The following RIMBP2 variants were observed in gnomAD, a reference collection of about 807,000 sequenced individuals.
The protein encoded by RIMBP2 is RIMS-binding protein 2.
A neutral mutation model predicts 118.6 loss-of-function variants in RIMBP2; 48 were observed. That is an observed-to-expected ratio of 0.40 (90% CI 0.32 to 0.51). RIMBP2 has a LOEUF of 0.51. Among genes scored for constraint, RIMBP2 ranks in the 20% least tolerant of loss-of-function variants. RIMBP2 has a pLI of 0.41. For synonymous variants in RIMBP2, 762 were observed against 742.9 expected (o/e 1.03, Z -0.42); for missense variants, 1,551 against 1,768.3 (o/e 0.88, Z 2.20).
In RIMBP2 at chr12:130,703,025, A is replaced by G. The variant is rs534668744; in HGVS notation, c.-352+13197T>C. 2.1e-4 allele frequency among the ~76,000 whole-genome samples: 32 copies of G among 152,270 alleles called. No homozygotes were observed. Among genetic ancestry groups the G allele is most frequent in the Admixed American group, 7.8e-4 (12 of 15,304 alleles). ...TTCCAGCAATTTATTCATTTCAGAAAAATGCTGCTGCTACTCAGATGCCCG... is the reference window on the plus strand; with the variant it reads ...TTCCAGCAATTTATTCATTTCAGAAGAATGCTGCTGCTACTCAGATGCCCG... On this transcript the variant is annotated intron_variant, in intron 1 of 22. Coordinates refer to ENST00000690449, the MANE Select transcript of RIMBP2 (RefSeq NM_001393629.1). The surrounding 1 kb of genome is among the most constrained non-coding windows in gnomAD (Gnocchi z 5.7).
At position 130,453,985 on chromosome 12, in the gene RIMBP2, C is replaced by T. The variant is rs1232572246; in HGVS notation, c.358+2511G>A. Among the ~76,000 whole-genome samples, 6 of 150,866 alleles carry T rather than the reference C, an allele frequency of 4.0e-5. No homozygotes were observed. In the South Asian group the frequency reaches 6.4e-4, roughly 16 times the overall value. ...AGGAGAATCGCTTGAACCTGGGAGGCGGGGCTTGTACTGAGCCGAGATCAC... is the reference window on the plus strand; with the variant it reads ...AGGAGAATCGCTTGAACCTGGGAGGTGGGGCTTGTACTGAGCCGAGATCAC... On this transcript the variant is annotated intron_variant, in intron 7 of 22. Transcript: ENST00000690449.
At chr12:130,438,543 G>A (rs1252222437) in intron 11 of RIMBP2, 27 bp from the exon 12 acceptor site, 3 of 1,552,854 alleles carry the variant, frequency 1.9e-6, no homozygotes, top group African/African-American at 2.7e-5. Flanking sequence ...GGGAACGGAG[G>A]CGTTCAGGGA....
In RIMBP2 at chr12:130,441,945, C is replaced by T. The variant is rs2078172363; in HGVS notation, c.1407G>A (p.Val469=). The change falls in exon 11 of 23, where the codon GTG becomes GTA. Residue 469 remains valine (V), a synonymous_variant. Transcript: ENST00000690449. The part of the protein sequence containing the change: ...FNLRPNMAYK[V]KVLAKPHQMP... Reference sequence around the variant, plus strand: ...TCTGGTGGGGTTTGGCCAGAACCTTCACCTTATAGGCCATGTTGGGCCTGA... The same window carrying T: ...TCTGGTGGGGTTTGGCCAGAACCTTTACCTTATAGGCCATGTTGGGCCTGA... The T allele has an allele frequency of 1.2e-6, 2 of 1,614,098 alleles. No individual in the cohort carries two copies. Among genetic ancestry groups the T allele is most frequent in the Non-Finnish European group, 1.7e-6 (2 of 1,180,054 alleles).
At chr12:130,678,171 G>A (rs1183264348) in intron 1 of RIMBP2, among the ~76,000 whole-genome samples, 1 of 152,212 alleles carries the variant, frequency 6.6e-6, no homozygotes, top group Non-Finnish European at 1.5e-5. Flanking sequence ...CCTCTGCCTG[G>A]ATTAGAGCCA....
intron 1 of RIMBP2, among the ~76,000 whole-genome samples, chr12:130,638,925 A>G (rs11061046): frequency 6.6e-6 from 1 of 152,310 alleles, no homozygotes; most frequent in East Asian, 1.9e-4. Flanking sequence ...AGTAAACCCT[A>G]ATGTAAACTA....
intron 4 of RIMBP2, among the ~76,000 whole-genome samples, chr12:130,493,112 G>C (rs1336400003): frequency 6.6e-6 from 1 of 151,994 alleles, no homozygotes; most frequent in African/African-American, 2.4e-5. Flanking sequence ...CTCCAGCCTG[G>C]GTGAGAGAGT....
At chr12:130,691,748 C>A (rs973530612) in intron 1 of RIMBP2, among the ~76,000 whole-genome samples, 6 of 152,192 alleles carry the variant, frequency 3.9e-5, no homozygotes, top group African/African-American at 1.4e-4. Flanking sequence ...AGGGAAGGAG[C>A]TCATGCAGAC....
intron 21 of RIMBP2, among the ~76,000 whole-genome samples, chr12:130,405,162 GA>G (rs2075040146): frequency 6.6e-6 from 1 of 152,236 alleles, no homozygotes; most frequent in East Asian, 1.9e-4. Flanking sequence ...ATGCAAACGT[GA>G]AATTCATCCT....
At chr12:130,454,937 G>C (rs961169068) in intron 7 of RIMBP2, among the ~76,000 whole-genome samples, 12 of 152,212 alleles carry the variant, frequency 7.9e-5, no homozygotes, top group Admixed American at 2.0e-4. Context: ...ACACTGGATG[G>C]AAACATCCCC....
Position 130,617,756 on chromosome 12 carries a change from C to T in RIMBP2, c.-217+10566G>A, listed in dbSNP as rs544784749. 2.2e-4 allele frequency among the ~76,000 whole-genome samples: 34 copies of T among 152,268 alleles called. No individual in the cohort carries two copies. The highest frequency in any genetic ancestry group is 6.5e-4 in the African/African-American group (27 of 41,554). On this transcript the variant is annotated intron_variant, in intron 2 of 22. Coordinates refer to ENST00000690449, the MANE Select transcript of RIMBP2 (RefSeq NM_001393629.1). The surrounding 1 kb of genome is among the most constrained non-coding windows in gnomAD (Gnocchi z 4.6). ...CCCAGTTCTGAATTCACAGAATGCACGCAAATTAGATTATTCTGGTAGAAC... is the reference window on the plus strand; with the variant it reads ...CCCAGTTCTGAATTCACAGAATGCATGCAAATTAGATTATTCTGGTAGAAC...
intron 5 of RIMBP2, among the ~76,000 whole-genome samples, chr12:130,476,300 C>A (rs535928524): frequency 5.3e-5 from 8 of 152,304 alleles, no homozygotes; most frequent in African/African-American, 1.9e-4. Context: ...GCTGGGGTTG[C>A]AGAAAGAGAG....
intron 2 of RIMBP2, among the ~76,000 whole-genome samples, chr12:130,624,151 C>T (rs967259086): frequency 1.5e-4 from 23 of 152,192 alleles, no homozygotes; most frequent in African/African-American, 4.6e-4. Flanking sequence ...TAGGAAATAA[C>T]AGGCAAAGGT....
intron 21 of RIMBP2, among the ~76,000 whole-genome samples, chr12:130,403,219 C>T (rs1472212520): frequency 1.3e-5 from 2 of 152,178 alleles, no homozygotes; most frequent in East Asian, 1.9e-4. Flanking sequence ...CATTGTTTAT[C>T]AAATAAGAAA....
chr12:130,706,334 T>C (rs1366933476), intron 1 of RIMBP2, among the ~76,000 whole-genome samples: 1 of 152,260 alleles, frequency 6.6e-6, no homozygotes, highest in Non-Finnish European at 1.5e-5. Context: ...ACGGATGCTA[T>C]TGTTACCTGC....
intron 2 of RIMBP2, among the ~76,000 whole-genome samples, chr12:130,606,832 C>A (rs2060219988): frequency 6.6e-6 from 1 of 152,116 alleles, no homozygotes; most frequent in Non-Finnish European, 1.5e-5. Context: ...CCACAACAAG[C>A]AGTTCCAATT....
intron 21 of RIMBP2, among the ~76,000 whole-genome samples, chr12:130,402,094 C>T (rs544513569): frequency 3.3e-5 from 5 of 152,214 alleles, no homozygotes; most frequent in African/African-American, 4.8e-5. Flanking sequence ...CACGTCAGAA[C>T]GCACATGTAC....
intron 1 of RIMBP2, among the ~76,000 whole-genome samples, chr12:130,702,334 T>A (rs1479781875): frequency 6.6e-6 from 1 of 151,934 alleles, no homozygotes; most frequent in Non-Finnish European, 1.5e-5. Flanking sequence ...CCGATCAATA[T>A]GGAGAAACCC....
At chr12:130,496,022 C>A (rs528505713) in intron 4 of RIMBP2, among the ~76,000 whole-genome samples, 50 of 152,336 alleles carry the variant, frequency 3.3e-4, no homozygotes, top group African/African-American at 1.2e-3. Context: ...GCCGCTGACT[C>A]ATTGGACCTA....
intron 14 of RIMBP2, chr12:130,429,791 A>T (rs1265841793): frequency 6.6e-6 from 1 of 152,128 alleles, no homozygotes; most frequent in Non-Finnish European, 1.5e-5. Flanking sequence ...GGAGGACGGG[A>T]AGGGCCTCGG....
Sources: allele counts gnomAD v4.1 joint callset (sites outside exome capture counted in the v4.1 genomes callset), GRCh38; gene constraint gnomAD v4.1.1; non-coding constraint Gnocchi (gnomAD v3.1); transcripts MANE v1.5; gene names NCBI Gene and HGNC (gene_info 2026-07-23, HGNC 2026-07-21).